BIRC2: variants seen among roughly 807,000 people sequenced by gnomAD.
The protein encoded by BIRC2 is baculoviral IAP repeat-containing protein 2.
In BIRC2, 18 loss-of-function variants were observed where a neutral mutation model predicts 60.9. That is an observed-to-expected ratio of 0.30 (90% CI 0.20 to 0.44). The LOEUF (loss-of-function observed/expected upper bound fraction) is 0.44. Among genes scored for constraint, BIRC2 ranks in the 20% least tolerant of loss-of-function variants. The probability of loss-of-function intolerance (pLI) is 1.00; values close to 1 mark genes in which losing one functional copy is unlikely to be tolerated. For synonymous variants in BIRC2, 282 were observed against 247.7 expected, an observed-to-expected ratio of 1.14 and a Z score of -1.30; for missense variants, 701 against 728.5, an observed-to-expected ratio of 0.96 and a Z score of 0.43.
At position 102,377,647 on chromosome 11, in the gene BIRC2, G is replaced by C. The variant is rs1951729709; in HGVS notation, c.1518G>C (p.Ala506=). The C allele has an allele frequency of 6.2e-7, 1 of 1,610,756 alleles. No homozygotes were observed. The highest frequency in any genetic ancestry group is 1.3e-5 in the African/African-American group (1 of 74,704). ...IKQKTQIPLQ[A]RELIDTILVK... ...AAAAAACACAGATACCTTTACAAGC[G>C]AGAGAACTGATTGATACCATTTTGG... Residue 506 remains alanine, a synonymous_variant, in exon 7 of 9, where the codon GCG becomes GCC. Coordinates refer to ENST00000227758, the MANE Select transcript of BIRC2 (RefSeq NM_001166.5).
At chr11:102,356,816 C>A (rs1013777883) in intron 3 of BIRC2, among the ~76,000 whole-genome samples, 8 of 151,202 alleles carry the variant, frequency 5.3e-5, no homozygotes, top group African/African-American at 1.9e-4. Flanking sequence ...GTAGGTGGGA[C>A]CACAGGTGCA....
chr11:102,357,424 G>T (rs1951435463), intron 3 of BIRC2, among the ~76,000 whole-genome samples: 1 of 150,994 alleles, frequency 6.6e-6, no homozygotes, highest in Non-Finnish European at 1.5e-5. Context: ...CTGTTCCTGG[G>T]CTTTTTCTTT....
intron 6 of BIRC2, among the ~76,000 whole-genome samples, chr11:102,370,186 A>T (rs1488115279): frequency 3.4e-5 from 5 of 148,298 alleles, no homozygotes; most frequent in Non-Finnish European, 7.5e-5. Flanking sequence ...CCCATTTGTC[A>T]ATTTTGGCTT....
intron 3 of BIRC2, among the ~76,000 whole-genome samples, chr11:102,351,661 A>G (rs1485289713): frequency 6.7e-6 from 1 of 148,594 alleles, no homozygotes; most frequent in East Asian, 2.0e-4. Flanking sequence ...CTGACTGCCC[A>G]TTTTAATTGT....
intron 3 of BIRC2, among the ~76,000 whole-genome samples, chr11:102,359,909 A>AATCAG (rs1055466651): frequency 1.3e-5 from 2 of 151,122 alleles, no homozygotes; most frequent in African/African-American, 4.9e-5. Context: ...TTTTTTTTTA[A>AATCAG]ATCAGCTTTC....
chr11:102,348,613 G>A lies in BIRC2; in HGVS notation c.-1242G>A, dbSNP rs1176405261. 1 of 227,216 alleles carries A rather than the reference G, an allele frequency of 4.4e-6. No individual in the cohort carries two copies. Among genetic ancestry groups the A allele is most frequent in the African/African-American group, 2.4e-5 (1 of 42,424 alleles). 14.1% of individuals were successfully genotyped at this position (227,216 alleles called of 1,614,324 possible). A position where few individuals can be genotyped will look rare whatever the true frequency, so the allele number is the denominator to read the frequency against. ...TTCTTTTCAGATTTACAACCCTGAAGAATCTCCCTATCCCTATTTTGTCCC... is the reference window on the plus strand; with the variant it reads ...TTCTTTTCAGATTTACAACCCTGAAAAATCTCCCTATCCCTATTTTGTCCC... On this transcript the variant is annotated 5_prime_UTR_variant, in exon 2 of 9. Transcript: ENST00000227758.
At chr11:102,375,799 T>A (rs1007147271) in intron 6 of BIRC2, among the ~76,000 whole-genome samples, 1 of 146,374 alleles carries the variant, frequency 6.8e-6, no homozygotes. Flanking sequence ...AAAAAAAAAA[T>A]TCCAGTTCTA....
intron 4 of BIRC2, 131 bp from the exon 5 acceptor site, chr11:102,363,537 C>G (rs1237246769): frequency 9.6e-6 from 5 of 521,292 alleles, no homozygotes; most frequent in Non-Finnish European, 1.7e-5. Flanking sequence ...GAAAGCAAAG[C>G]AAAGGTCATA....
At chr11:102,361,603 G>A (rs1430857774) in intron 3 of BIRC2, among the ~76,000 whole-genome samples, 1 of 152,142 alleles carries the variant, frequency 6.6e-6, no homozygotes, top group Non-Finnish European at 1.5e-5. Context: ...TGGCATCAAT[G>A]AACACTATAG....
rs1350308099 is a variant in BIRC2 at position 102,348,786 on chromosome 11, TA to T, written c.-1068del. On this transcript the variant is annotated 5_prime_UTR_variant, in exon 2 of 9. Coordinates refer to ENST00000227758, the MANE Select transcript of BIRC2 (RefSeq NM_001166.5). The stretch of plus-strand genomic sequence containing the variant: ...GAAGGCTAGTAGAGTTGATTACTGA[TA>T]CTTTATGCTAAGCAGTACTTTTTTG... 1 of 337,212 alleles carries T rather than the reference TA, an allele frequency of 3.0e-6. No homozygotes were observed. The highest frequency in any genetic ancestry group is 5.7e-6 in the Non-Finnish European group (1 of 176,286). The allele number at this position is 337,212 out of a possible 1,614,324, so 20.9% of individuals were successfully genotyped here. A position where few individuals can be genotyped will look rare whatever the true frequency, so the allele number is the denominator to read the frequency against.
chr11:102,354,371 G>C (rs927945205), intron 3 of BIRC2, among the ~76,000 whole-genome samples: 16 of 152,072 alleles, frequency 1.1e-4, no homozygotes, highest in Non-Finnish European at 1.5e-4. Flanking sequence ...CATCATGTCC[G>C]GCTAATTACT....
chr11:102,375,984 G>T (rs1465428005), intron 6 of BIRC2, among the ~76,000 whole-genome samples: 1 of 151,084 alleles, frequency 6.6e-6, no homozygotes, highest in Admixed American at 6.6e-5. Flanking sequence ...TTAAGCATTA[G>T]GTAGATTGAC....
At chr11:102,368,258 A>T in intron 5 of BIRC2, 48 bp from the exon 6 acceptor site, 2 of 1,564,652 alleles carry the variant, frequency 1.3e-6, no homozygotes, top group Non-Finnish European at 1.7e-6. Context: ...TTTTTTCCAT[A>T]GGTTTATGTT....
At chr11:102,364,161 A>ATAT (rs1484913309) in intron 5 of BIRC2, among the ~76,000 whole-genome samples, 3 of 94,642 alleles carry the variant, frequency 3.2e-5, no homozygotes, top group African/African-American at 1.6e-4. Flanking sequence ...ATATATATAT[A>ATAT]TATATATATA....
chr11:102,368,699 T>G (rs1053866223), intron 6 of BIRC2, 151 bp downstream of exon 6: 1 of 1,080,336 alleles, frequency 9.3e-7, no homozygotes, highest in Non-Finnish European at 1.3e-6. Flanking sequence ...TTTCTACCCC[T>G]TTCAATTGCT....
rs762131726 is a variant in BIRC2, at chr11:102,377,977, T to G, written c.1664-13T>G. The G allele has an allele frequency of 3.7e-6, 6 of 1,601,520 alleles. No individual in the cohort carries two copies. The highest frequency in any genetic ancestry group is 5.1e-6 in the Non-Finnish European group (6 of 1,176,306). On this transcript the variant is annotated splice_polypyrimidine_tract_variant and intron_variant, in intron 8 of 8. Transcript: ENST00000227758. ...GTGGAAACAATTTCACTAAAGTTAT[T>G]TTTTGTTATTAGGTCTGTCACTGGA...
chr11:102,365,947 T>C (rs1482298763), intron 5 of BIRC2, among the ~76,000 whole-genome samples: 1 of 152,148 alleles, frequency 6.6e-6, no homozygotes. Flanking sequence ...ATACTCTTGG[T>C]TTTCTATTTC....
At position 102,348,577 on chromosome 11, in the gene BIRC2, CTT is replaced by C. The variant is rs900905110; in HGVS notation, c.-1257-17_-1257-16del. On this transcript the variant is annotated intron_variant, in intron 1 of 8. Transcript: ENST00000227758. ...CATGCACATACAGTTTTCTAAAATA[CTT>C]TTTGTTTTTTCTTTTCAGATTTACA... The C allele has an allele frequency of 5.4e-6, 1 of 186,458 alleles. No individual in the cohort carries two copies. The highest frequency in any genetic ancestry group is 2.4e-5 in the African/African-American group (1 of 42,006). The allele number at this position is 186,458 out of a possible 1,614,324, so 11.6% of individuals were successfully genotyped here.
chr11:102,375,630 A>G (rs1951702887), intron 6 of BIRC2, among the ~76,000 whole-genome samples: 1 of 152,144 alleles, frequency 6.6e-6, no homozygotes, highest in Non-Finnish European at 1.5e-5. Flanking sequence ...AATACAAAAA[A>G]TTAGCCGGGC....
Sources: allele counts gnomAD v4.1 joint callset (sites outside exome capture counted in the v4.1 genomes callset), GRCh38; gene constraint gnomAD v4.1.1; transcripts MANE v1.5; gene names NCBI Gene and HGNC (gene_info 2026-07-23, HGNC 2026-07-21).